Variants in SLC44A5 observed in about 807,000 individuals in gnomAD.
SLC44A5 encodes the protein solute carrier family 44 member 5, also known as choline transporter-like protein 5.
Under a neutral mutation model 101.8 loss-of-function variants are expected in SLC44A5, and 57 were observed. The ratio of observed to expected loss-of-function variants is 0.56; its 90% CI spans 0.45 to 0.70. The LOEUF is 0.70. Ranked by LOEUF, SLC44A5 falls within the 30% of genes least tolerant of loss-of-function variation. SLC44A5 has a pLI of 0.00. For synonymous variants in SLC44A5, 281 were observed against 290.9 expected, an observed-to-expected ratio of 0.97 and a Z score of 0.35; for missense variants, 737 against 853.1, an observed-to-expected ratio of 0.86 and a Z score of 1.70.
the SLC44A5 span, among the ~76,000 whole-genome samples, chr1:75,705,345 G>GAATAA: frequency 2.0e-5 from 3 of 152,014 alleles, no homozygotes; most frequent in African/African-American, 7.2e-5. Flanking sequence ...TCTATTGTCT[G>GAATAA]AATTAGTTTA....
chr1:75,297,407 C>G (rs1453564281), intron 5 of SLC44A5, among the ~76,000 whole-genome samples: 2 of 152,148 alleles, frequency 1.3e-5, no homozygotes, highest in Non-Finnish European at 2.9e-5. Flanking sequence ...AACTCAGCCT[C>G]CCGAGTAGCT....
At chr1:75,297,399 C>T (rs1654048605) in intron 5 of SLC44A5, among the ~76,000 whole-genome samples, 1 of 152,200 alleles carries the variant, frequency 6.6e-6, no homozygotes, top group Non-Finnish European at 1.5e-5. Context: ...ATCCTCCCAA[C>T]TCAGCCTCCC....
At chr1:75,598,245 G>T (rs1007812009) in intron 1 of SLC44A5, among the ~76,000 whole-genome samples, 2 of 152,012 alleles carry the variant, frequency 1.3e-5, no homozygotes, top group African/African-American at 4.8e-5. Flanking sequence ...ACACCAGTCA[G>T]AATGGCTATT....
chr1:75,581,958 A>C (rs1673720670), intron 1 of SLC44A5: 3 of 378,762 alleles, frequency 7.9e-6, no homozygotes, highest in Non-Finnish European at 1.4e-5. Context: ...AGCCAGGTAA[A>C]CCTCTTTCTT....
chr1:75,708,413 CAAAAAAAAAAAAAA>C, the SLC44A5 span, among the ~76,000 whole-genome samples: 5 of 39,062 alleles, frequency 1.3e-4, no homozygotes, highest in East Asian at 1.6e-3. Context: ...GACTCCGTCT[CAAAAAAAAAAAAAA>C]AAAAAAAAAA....
intron 4 of SLC44A5, among the ~76,000 whole-genome samples, chr1:75,314,124 T>A (rs1249668): frequency 0.25 from 38,774 of 152,080 alleles, 5,879 homozygotes; most frequent in African/African-American, 0.42. Context: ...GAGAAAAGTT[T>A]AAAGACGTTG....
intron 2 of SLC44A5, among the ~76,000 whole-genome samples, chr1:75,426,412 G>GCACC (rs1311551429): frequency 2.0e-5 from 3 of 152,264 alleles, no homozygotes; most frequent in Non-Finnish European, 4.4e-5. Flanking sequence ...TCCATAATCA[G>GCACC]AATCCCTAAG....
the SLC44A5 span, among the ~76,000 whole-genome samples, chr1:75,657,945 A>G: frequency 6.6e-6 from 1 of 151,386 alleles, no homozygotes; most frequent in Admixed American, 6.5e-5. Flanking sequence ...TACAGTCTAG[A>G]TCAAATGAAC....
intron 3 of SLC44A5, among the ~76,000 whole-genome samples, chr1:75,343,415 C>T (rs923009514): frequency 1.3e-5 from 2 of 152,046 alleles, no homozygotes; most frequent in African/African-American, 4.8e-5. Context: ...CACATGGCTC[C>T]ATTGAAAGCA....
intron 5 of SLC44A5, among the ~76,000 whole-genome samples, chr1:75,286,362 C>T (rs1047843000): frequency 6.6e-6 from 1 of 151,976 alleles, no homozygotes; most frequent in African/African-American, 2.4e-5. Context: ...CATGTGAGTC[C>T]TTATCTGTCA....
chr1:75,421,663 A>G (rs1664011136), intron 2 of SLC44A5, among the ~76,000 whole-genome samples: 2 of 152,136 alleles, frequency 1.3e-5, no homozygotes, highest in Non-Finnish European at 2.9e-5. Flanking sequence ...TACAGCTCTC[A>G]AAGAGCTAAT....
At chr1:75,664,736 G>C in the SLC44A5 span, among the ~76,000 whole-genome samples, 1 of 151,686 alleles carries the variant, frequency 6.6e-6, no homozygotes, top group Non-Finnish European at 1.5e-5. Context: ...CCTGGCTAAC[G>C]TGGTGAAACC....
chr1:75,420,139 A>G (rs1176067726), intron 2 of SLC44A5, among the ~76,000 whole-genome samples: 2 of 152,042 alleles, frequency 1.3e-5, no homozygotes, highest in Non-Finnish European at 2.9e-5. Flanking sequence ...AGACCTATCT[A>G]TAAACGAGGA....
intron 13 of SLC44A5, among the ~76,000 whole-genome samples, chr1:75,227,024 ATTG>A (rs1340782235): frequency 1.3e-5 from 2 of 152,164 alleles, no homozygotes; most frequent in Non-Finnish European, 2.9e-5. Context: ...GTTATGAAAA[ATTG>A]TTGCTTGTTT....
chr1:75,277,595 A>T (rs1318807254), intron 5 of SLC44A5, among the ~76,000 whole-genome samples: 1 of 152,122 alleles, frequency 6.6e-6, no homozygotes, highest in Non-Finnish European at 1.5e-5. Context: ...AATAAAGATC[A>T]GCAAAATGTT....
intron 5 of SLC44A5, among the ~76,000 whole-genome samples, chr1:75,291,578 G>T (rs1025968735): frequency 6.6e-6 from 1 of 152,166 alleles, no homozygotes; most frequent in Non-Finnish European, 1.5e-5. Context: ...CTGAAGAAGT[G>T]ATTCAGGAGC....
chr1:75,593,044 G>A (rs940359606), intron 1 of SLC44A5, among the ~76,000 whole-genome samples: 8 of 152,036 alleles, frequency 5.3e-5, no homozygotes, highest in Non-Finnish European at 1.2e-4. Flanking sequence ...AATCAACAAA[G>A]TAAAGAGACA....
chr1:75,626,966 C>T, the SLC44A5 span, among the ~76,000 whole-genome samples: 2 of 152,158 alleles, frequency 1.3e-5, no homozygotes, highest in South Asian at 2.1e-4. Flanking sequence ...ATTCTATGTT[C>T]TAGGCACACT....
chr1:75,581,825 C>A (rs1228871241), intron 1 of SLC44A5, among the ~76,000 whole-genome samples: 3 of 152,156 alleles, frequency 2.0e-5, no homozygotes, highest in African/African-American at 7.2e-5. Flanking sequence ...TCTCTTGCTT[C>A]CTATTTCACC....
Sources: gnomAD v4.1 joint callset for allele counts (sites outside exome capture counted in the v4.1 genomes callset) on GRCh38, gnomAD v4.1.1 for gene constraint, MANE v1.5 for transcripts, NCBI Gene and HGNC (gene_info 2026-07-23, HGNC 2026-07-21) for gene names.